The following ELAPOR1 variants were observed in gnomAD, a reference collection of about 807,000 sequenced individuals.
ELAPOR1 encodes endosome/lysosome-associated apoptosis and autophagy regulator 1.
In ELAPOR1, 77 loss-of-function variants were observed where a neutral mutation model predicts 119.7. That is an observed-to-expected ratio of 0.64 (90% CI 0.54 to 0.78). ELAPOR1 has a LOEUF of 0.78. Among genes scored for constraint, ELAPOR1 ranks in the 30% least tolerant of loss-of-function variants. The pLI is 0.00. For missense variants in ELAPOR1, 1,115 were observed against 1,270.4 expected (o/e 0.88, Z 1.86); for synonymous variants, 481 against 487.2 (o/e 0.99, Z 0.17).
intron 7 of ELAPOR1, among the ~76,000 whole-genome samples, chr1:109,174,270 G>A (rs759104007): frequency 1.3e-4 from 20 of 151,340 alleles, no homozygotes; most frequent in Middle Eastern, 3.2e-3. Context: ...TCCTGCCTCA[G>A]CCTCTCAAGC....
chr1:109,122,215 G>T (rs1172088853), intron 1 of ELAPOR1, among the ~76,000 whole-genome samples: 1 of 151,518 alleles, frequency 6.6e-6, no homozygotes, highest in South Asian at 2.1e-4. Flanking sequence ...GATTACAAGC[G>T]TGCACCACCA....
intron 7 of ELAPOR1, among the ~76,000 whole-genome samples, chr1:109,182,683 C>A (rs998652705): frequency 6.6e-6 from 1 of 151,824 alleles, no homozygotes; most frequent in Non-Finnish European, 1.5e-5. Context: ...CTGGCTAACA[C>A]GGTGAAACCC....
chr1:109,150,283 A>C (rs1650447815), intron 1 of ELAPOR1, among the ~76,000 whole-genome samples: 1 of 152,200 alleles, frequency 6.6e-6, no homozygotes, highest in Non-Finnish European at 1.5e-5. Flanking sequence ...TATGATCAAA[A>C]TAGAAGCTGG....
intron 1 of ELAPOR1, among the ~76,000 whole-genome samples, chr1:109,143,304 T>TAC (rs1488278234): frequency 2.0e-5 from 3 of 152,332 alleles, no homozygotes; most frequent in Non-Finnish European, 2.9e-5. Flanking sequence ...GATCATGCTA[T>TAC]AGTATGTACA....
chr1:109,137,025 T>A (rs1649513880), intron 1 of ELAPOR1, among the ~76,000 whole-genome samples: 1 of 152,104 alleles, frequency 6.6e-6, no homozygotes, highest in African/African-American at 2.4e-5. Context: ...AAAAGGGCAC[T>A]TCAGCCAGGA....
intron 21 of ELAPOR1, chr1:109,201,504 G>T: frequency 2.6e-6 from 1 of 382,362 alleles, no homozygotes; most frequent in Non-Finnish European, 5.3e-6. Context: ...GTCCTCCAGG[G>T]CTATAGTCCT....
At chr1:109,201,638 G>A (rs1654179174) in intron 21 of ELAPOR1, among the ~76,000 whole-genome samples, 2 of 152,164 alleles carry the variant, frequency 1.3e-5, no homozygotes, top group South Asian at 2.1e-4. Context: ...AGAAAGGACC[G>A]TGCTTGGGTG....
intron 16 of ELAPOR1, 109 bp downstream of exon 16, chr1:109,197,763 CAT>C (rs1653919544): frequency 3.3e-6 from 4 of 1,220,806 alleles, no homozygotes; most frequent in East Asian, 2.5e-5. Flanking sequence ...AAAGGCCCCA[CAT>C]GAGGGGCCCA....
intron 1 of ELAPOR1, among the ~76,000 whole-genome samples, chr1:109,120,084 G>A (rs548515050): frequency 7.9e-5 from 12 of 152,164 alleles, no homozygotes; most frequent in Admixed American, 7.2e-4. Flanking sequence ...TATATCCTAT[G>A]GGATTAGTGC....
intron 7 of ELAPOR1, among the ~76,000 whole-genome samples, chr1:109,180,776 G>T (rs1652643440): frequency 6.6e-6 from 1 of 152,070 alleles, no homozygotes; most frequent in Non-Finnish European, 1.5e-5. Flanking sequence ...ACCAGTCTGG[G>T]TAATAGAACA....
At chr1:109,154,084 T>C (rs1195134630) in intron 1 of ELAPOR1, among the ~76,000 whole-genome samples, 3 of 150,758 alleles carry the variant, frequency 2.0e-5, no homozygotes, top group South Asian at 2.1e-4. Flanking sequence ...GAGTTTGAGA[T>C]CAGCCTGACC....
chr1:109,129,411 G>C (rs964083362), intron 1 of ELAPOR1, among the ~76,000 whole-genome samples: 4 of 152,202 alleles, frequency 2.6e-5, no homozygotes, highest in African/African-American at 9.7e-5. Context: ...CCGGGAGGCT[G>C]AGGCAGGATT....
intron 10 of ELAPOR1, 29 bp downstream of exon 10, chr1:109,189,223 G>A: frequency 6.2e-7 from 1 of 1,607,718 alleles, no homozygotes. Context: ...GCCATGAGCT[G>A]TCAGCTCCCT....
intron 1 of ELAPOR1, among the ~76,000 whole-genome samples, chr1:109,119,409 C>T (rs948464012): frequency 6.6e-6 from 1 of 151,406 alleles, no homozygotes; most frequent in Non-Finnish European, 1.5e-5. Context: ...GTCTCAAACT[C>T]GTGAGCTCTA....
intron 1 of ELAPOR1, among the ~76,000 whole-genome samples, chr1:109,120,732 C>A (rs1164752754): frequency 6.6e-6 from 1 of 151,996 alleles, no homozygotes; most frequent in Non-Finnish European, 1.5e-5. Context: ...TCTTGGGGGT[C>A]GTGTTTACCT....
intron 20 of ELAPOR1, 39 bp from the exon 21 acceptor site, chr1:109,200,696 A>G: frequency 6.3e-7 from 1 of 1,598,330 alleles, no homozygotes; most frequent in South Asian, 1.1e-5. Context: ...TTATTCCCAC[A>G]TTTTGGGATC....
rs932609013 is a variant in ELAPOR1 at position 109,189,335 on chromosome 1, A to T, written c.1348+141A>T. The T allele has an allele frequency of 3.6e-6, 4 of 1,108,692 alleles. No homozygotes were observed. The African/African-American group carries it at 6.3e-5, about 17-fold the overall frequency. 68.7% of individuals were successfully genotyped at this position (1,108,692 alleles called of 1,614,324 possible). A position where few individuals can be genotyped will look rare whatever the true frequency, so the allele number is the denominator to read the frequency against. On this transcript the variant is annotated intron_variant, in intron 10 of 21. Coordinates refer to ENST00000369939, the MANE Select transcript of ELAPOR1 (RefSeq NM_020775.5). ...CATTCCCTTGAAAGTTCCACTCCTC[A>T]TGGACATATGTTCTGCCAAGACAGC... is the stretch of plus-strand genomic sequence containing the variant.
chr1:109,152,988 C>T (rs781663615), intron 1 of ELAPOR1, among the ~76,000 whole-genome samples: 1 of 148,714 alleles, frequency 6.7e-6, no homozygotes, highest in Non-Finnish European at 1.5e-5. Flanking sequence ...AAAAGGACCA[C>T]GAAAAATGAA....
At chr1:109,175,202 A>AT (rs1286092937) in intron 7 of ELAPOR1, among the ~76,000 whole-genome samples, 4 of 148,212 alleles carry the variant, frequency 2.7e-5, no homozygotes, top group South Asian at 2.1e-4. Context: ...TTTTATTTTT[A>AT]TTTTTTTTTG....
Sources: allele counts gnomAD v4.1 joint callset (sites outside exome capture counted in the v4.1 genomes callset), GRCh38; gene constraint gnomAD v4.1.1; transcripts MANE v1.5; gene names NCBI Gene and HGNC (gene_info 2026-07-23, HGNC 2026-07-21).